TRPM3: variants seen among roughly 807,000 people sequenced by gnomAD.
The protein encoded by TRPM3 is transient receptor potential cation channel subfamily M member 3, also known as long transient receptor potential channel 3.
Under a neutral mutation model 181.2 loss-of-function variants are expected in TRPM3, and 77 were observed. The observed-to-expected ratio is 0.42, with a 90% CI of 0.35 to 0.51. The LOEUF (loss-of-function observed/expected upper bound fraction) is 0.51. Among genes scored for constraint, TRPM3 ranks in the 20% least tolerant of loss-of-function variants. The pLI is 0.01. For synonymous variants in TRPM3, 745 were observed against 796.4 expected, an observed-to-expected ratio of 0.94 and a Z score of 1.09; for missense variants, 1,759 against 2,196.7, an observed-to-expected ratio of 0.80 and a Z score of 3.98.
intron 8 of TRPM3, among the ~76,000 whole-genome samples, chr9:70,754,288 A>T (rs1427430384): frequency 6.6e-6 from 1 of 152,146 alleles, no homozygotes; most frequent in Non-Finnish European, 1.5e-5. Context: ...CCTCTTGAGG[A>T]GGAAGATAAT....
intron 1 of TRPM3, among the ~76,000 whole-genome samples, chr9:71,200,662 T>C (rs1316393288): frequency 1.3e-5 from 2 of 152,336 alleles, no homozygotes; most frequent in Non-Finnish European, 2.9e-5. Context: ...TTTGTTGGTT[T>C]AAAGTTTGTT....
intron 1 of TRPM3, among the ~76,000 whole-genome samples, chr9:71,077,492 C>A (rs1315718859): frequency 6.6e-6 from 1 of 152,136 alleles, no homozygotes; most frequent in Non-Finnish European, 1.5e-5. Context: ...ATTTTTCTTT[C>A]CACTCTTTCT....
At chr9:71,213,403 C>T (rs1454530215) in intron 1 of TRPM3, among the ~76,000 whole-genome samples, 2 of 152,122 alleles carry the variant, frequency 1.3e-5, no homozygotes, top group South Asian at 2.1e-4. Context: ...TTGAACTAAA[C>T]ATTTGGCTTT....
At chr9:70,963,610 G>C (rs1337022) in intron 1 of TRPM3, among the ~76,000 whole-genome samples, 28,147 of 151,974 alleles carry the variant, frequency 0.19, 2,926 homozygotes, top group Non-Finnish European at 0.22. Flanking sequence ...TGCGCTTTTT[G>C]CAAGTGTGCT....
chr9:70,851,395 A>T (rs1244534955), intron 3 of TRPM3, among the ~76,000 whole-genome samples: 2 of 152,250 alleles, frequency 1.3e-5, no homozygotes, highest in Non-Finnish European at 2.9e-5. Context: ...TAGCTAAGTG[A>T]CATATTATGG....
chr9:70,925,612 C>G (rs987721651), intron 1 of TRPM3, among the ~76,000 whole-genome samples: 7 of 151,966 alleles, frequency 4.6e-5, no homozygotes, highest in African/African-American at 1.5e-4. Flanking sequence ...CTATTCACAG[C>G]TCCAATGCAG....
chr9:71,088,000 A>G (rs1233950437), intron 1 of TRPM3, among the ~76,000 whole-genome samples: 2 of 152,168 alleles, frequency 1.3e-5, no homozygotes, highest in East Asian at 3.9e-4. Context: ...ATTGTTATTT[A>G]TGCTTTAATG....
chr9:70,603,560 G>A (rs2060469262), intron 19 of TRPM3, 90 bp from the exon 20 acceptor site: 1 of 1,447,318 alleles, frequency 6.9e-7, no homozygotes, highest in Non-Finnish European at 9.3e-7. Flanking sequence ...ACAGAGCAGG[G>A]TCAGCAAGCA....
chr9:70,555,004 G>T (rs1251174126), intron 22 of TRPM3, among the ~76,000 whole-genome samples: 1 of 152,186 alleles, frequency 6.6e-6, no homozygotes, highest in Non-Finnish European at 1.5e-5. Flanking sequence ...CCTGGCTTCA[G>T]CATGAAGTCA....
chr9:70,551,309 A>T (rs1588244896), intron 24 of TRPM3, among the ~76,000 whole-genome samples: 1 of 152,136 alleles, frequency 6.6e-6, no homozygotes, highest in Non-Finnish European at 1.5e-5. Context: ...CTTGTCTCTG[A>T]CCTTCACCCT....
intron 1 of TRPM3, among the ~76,000 whole-genome samples, chr9:71,286,952 T>A (rs374394030): frequency 1.1e-5 from 1 of 91,464 alleles, no homozygotes; most frequent in South Asian, 2.6e-4. Context: ...AATTTATATT[T>A]TATATAAATT....
chr9:70,911,706 G>T (rs190001618), intron 1 of TRPM3, among the ~76,000 whole-genome samples: 6 of 152,248 alleles, frequency 3.9e-5, no homozygotes, highest in Admixed American at 3.3e-4. Context: ...TTATCTAAAG[G>T]TCACCTAGTC....
At chr9:71,154,533 C>T (rs1469798339) in intron 1 of TRPM3, among the ~76,000 whole-genome samples, 1 of 152,124 alleles carries the variant, frequency 6.6e-6, no homozygotes, top group Non-Finnish European at 1.5e-5. Flanking sequence ...TTTGGGTAGA[C>T]TAAAACACAA....
chr9:70,943,933 C>T (rs560571897), intron 1 of TRPM3, among the ~76,000 whole-genome samples: 40 of 152,248 alleles, frequency 2.6e-4, no homozygotes, highest in African/African-American at 8.2e-4. Context: ...GCACCCAACA[C>T]CACGCCTGGC....
At position 70,535,872 on chromosome 9, in the gene TRPM3, T is replaced by A; in HGVS notation, c.*81A>T. 1.3e-6 allele frequency: 2 copies of A among 1,521,780 alleles called. No individual in the cohort carries two copies. The highest frequency in any genetic ancestry group is 1.8e-6 in the Non-Finnish European group (2 of 1,138,910). 94.3% of individuals were successfully genotyped at this position (1,521,780 alleles called of 1,614,324 possible). A position where few individuals can be genotyped will look rare whatever the true frequency, so the allele number is the denominator to read the frequency against. ...CAGCTAAGAATAAAGCAGGTATGAT[T>A]CAAGGAAAGGGGAAAAACTGGAGTT... On this transcript the variant is annotated 3_prime_UTR_variant, in exon 26 of 26. Coordinates refer to ENST00000677713, the MANE Select transcript of TRPM3 (RefSeq NM_001366145.2).
intron 1 of TRPM3, among the ~76,000 whole-genome samples, chr9:71,048,706 A>G (rs909902735): frequency 6.6e-6 from 1 of 152,188 alleles, no homozygotes; most frequent in Non-Finnish European, 1.5e-5. Flanking sequence ...GTCTTGCTTG[A>G]GAAAGGACAT....
chr9:71,362,924 T>A (rs2092209427), intron 1 of TRPM3, among the ~76,000 whole-genome samples: 1 of 152,186 alleles, frequency 6.6e-6, no homozygotes, highest in Non-Finnish European at 1.5e-5. Flanking sequence ...TAGTGGTATT[T>A]CATTGGGATT....
intron 1 of TRPM3, among the ~76,000 whole-genome samples, chr9:70,959,320 G>GATA (rs1271069872): frequency 1.3e-5 from 2 of 151,436 alleles, no homozygotes; most frequent in Admixed American, 6.6e-5. Context: ...CAATAAACAT[G>GATA]ATAATAATAA....
intron 1 of TRPM3, among the ~76,000 whole-genome samples, chr9:71,199,682 C>T (rs572275521): frequency 6.5e-4 from 98 of 151,682 alleles, no homozygotes; most frequent in East Asian, 1.7e-3. Flanking sequence ...TAGTATTCTC[C>T]GATGGTAGTT....
Sources: gnomAD v4.1 joint callset for allele counts (sites outside exome capture counted in the v4.1 genomes callset) on GRCh38, gnomAD v4.1.1 for gene constraint, MANE v1.5 for transcripts, NCBI Gene and HGNC (gene_info 2026-07-23, HGNC 2026-07-21) for gene names.